PPAT: variants seen among roughly 807,000 people sequenced by gnomAD.
PPAT encodes phosphoribosyl pyrophosphate amidotransferase, also known as amidophosphoribosyltransferase.
A neutral mutation model predicts 60.2 loss-of-function variants in PPAT; 20 were observed. The observed-to-expected ratio is 0.33, with a 90% CI of 0.23 to 0.48. The LOEUF is 0.48. PPAT is among the 20% of genes least tolerant of loss of function. The pLI, the probability that PPAT is intolerant of heterozygous loss-of-function variation, is 0.99. For missense variants in PPAT, 349 were observed against 629.6 expected, an observed-to-expected ratio of 0.55 and a Z score of 4.77; for synonymous variants, 194 against 215.1, an observed-to-expected ratio of 0.90 and a Z score of 0.86.
intron 1 of PPAT, among the ~76,000 whole-genome samples, chr4:56,425,660 T>C (rs541933114): frequency 1.3e-5 from 2 of 152,220 alleles, no homozygotes; most frequent in Non-Finnish European, 2.9e-5. Flanking sequence ...GTTGTGTTAA[T>C]GAGGCTACTC....
At chr4:56,399,140 G>C (rs200599310) in intron 9 of PPAT, 39 bp downstream of exon 9, 2 of 1,529,296 alleles carry the variant, frequency 1.3e-6, no homozygotes, top group African/African-American at 2.7e-5. Context: ...GTATCTTATT[G>C]TTAACTTATG....
chr4:56,412,027 T>C (rs73819448), intron 1 of PPAT, among the ~76,000 whole-genome samples: 157 of 152,334 alleles, frequency 1.0e-3, no homozygotes, highest in African/African-American at 3.7e-3. Context: ...TTAAACACCT[T>C]CGACTCTTCA....
intron 1 of PPAT, chr4:56,414,261 G>A (rs892010819): frequency 6.6e-6 from 1 of 152,226 alleles, no homozygotes; most frequent in African/African-American, 2.4e-5. Context: ...ATACACGGAA[G>A]AAGGGAAGAA....
At chr4:56,411,604 G>A (rs1345276926) in intron 1 of PPAT, among the ~76,000 whole-genome samples, 1 of 152,172 alleles carries the variant, frequency 6.6e-6, no homozygotes, top group African/African-American at 2.4e-5. Context: ...ATCAATGACA[G>A]TAATGAGATG....
intron 1 of PPAT, among the ~76,000 whole-genome samples, chr4:56,418,338 G>C (rs1560645985): frequency 6.6e-6 from 1 of 151,590 alleles, no homozygotes; most frequent in East Asian, 1.9e-4. Context: ...ATCTTATTTT[G>C]AGACAGGGTC....
chr4:56,408,451 A>G (rs13135046), intron 1 of PPAT: 57,058 of 143,056 alleles, frequency 0.4, 11,985 homozygotes, highest in Non-Finnish European at 0.44. Flanking sequence ...AAAAAAAAAA[A>G]AAGACATCAG....
chr4:56,410,658 AATCATTAGGAGT>A, intron 1 of PPAT: 2 of 986,816 alleles, frequency 2.0e-6, no homozygotes, highest in Non-Finnish European at 2.4e-6. Context: ...AAAAGGCTGC[AATCATTAGGAGT>A]ATACAGAGAC....
chr4:56,399,500 C>A, intron 8 of PPAT, 100 bp from the exon 9 acceptor site: 4 of 941,888 alleles, frequency 4.2e-6, no homozygotes, highest in Non-Finnish European at 6.2e-6. Context: ...AGTAAAATTT[C>A]AAAATAATTT....
chr4:56,415,045 G>C (rs1716652773), intron 1 of PPAT, among the ~76,000 whole-genome samples: 1 of 152,108 alleles, frequency 6.6e-6, no homozygotes. Context: ...AACCCTAATA[G>C]AGTTTTTAAG....
chr4:56,400,578 T>C (rs182303285), intron 8 of PPAT: 35 of 473,804 alleles, frequency 7.4e-5, no homozygotes, highest in African/African-American at 6.5e-4. Flanking sequence ...TTTTTTTCTT[T>C]TCAGTGAACC....
At chr4:56,409,760 A>C (rs1272214543) in intron 1 of PPAT, among the ~76,000 whole-genome samples, 2 of 152,256 alleles carry the variant, frequency 1.3e-5, no homozygotes, top group South Asian at 2.1e-4. Flanking sequence ...GGATAGAAAC[A>C]AAAAGTAAAC....
intron 9 of PPAT, among the ~76,000 whole-genome samples, chr4:56,397,737 A>T (rs2681327): frequency 0.98 from 148,445 of 151,774 alleles, 72,700 homozygotes; most frequent in East Asian, 1. Flanking sequence ...TTAAAAAAAA[A>T]TTTTTTTCAA....
At chr4:56,419,842 G>A in intron 1 of PPAT, 1 of 984,166 alleles carries the variant, frequency 1.0e-6, no homozygotes, top group Non-Finnish European at 1.2e-6. Context: ...TGGAAACAGT[G>A]CAGAACAAAA....
At chr4:56,431,590 T>C (rs1717586037) in intron 1 of PPAT, 5 of 869,778 alleles carry the variant, frequency 5.7e-6, no homozygotes, top group East Asian at 1.2e-4. Context: ...ATGTTTGTCA[T>C]TGTAAGGTTC....
intron 1 of PPAT, among the ~76,000 whole-genome samples, 175 bp downstream of exon 1, chr4:56,435,175 C>T (rs1717831286): frequency 6.6e-6 from 1 of 152,206 alleles, no homozygotes; most frequent in Non-Finnish European, 1.5e-5. Context: ...TTCATGGAAG[C>T]GAGGTGCCCC....
chr4:56,402,820 C>CAAA lies in PPAT; in HGVS notation c.661+217_661+219dup, dbSNP rs556899549. ...GGCAACAAGAGTGAAACTCGGTCTC[C>CAAA]AAAAAAAAAAAAAAAAAAAAAAAAA... On this transcript the variant is annotated intron_variant, in intron 5 of 10. Transcript: ENST00000264220. Among the ~76,000 whole-genome samples, 235 of 43,934 alleles carry CAAA rather than the reference C, an allele frequency of 5.3e-3. 7 individuals carry two copies. Among genetic ancestry groups the CAAA allele is most frequent in the Middle Eastern group, 0.021 (1 of 48 alleles). 28.8% of individuals were successfully genotyped at this position (43,934 alleles called of 152,430 possible). A position where few individuals can be genotyped will look rare whatever the true frequency, so the allele number is the denominator to read the frequency against.
At chr4:56,411,110 A>T (rs909038269) in intron 1 of PPAT, among the ~76,000 whole-genome samples, 3 of 152,128 alleles carry the variant, frequency 2.0e-5, no homozygotes, top group Non-Finnish European at 4.4e-5. Flanking sequence ...TTACCACTTT[A>T]AAAAAATCTG....
rs1359938341 is a variant in PPAT, at chr4:56,406,685, T to C, written c.212A>G (p.Asn71Ser). 6.2e-7 allele frequency: 1 copy of C among 1,609,888 alleles called. No individual in the cohort carries two copies. The highest frequency in any genetic ancestry group is 2.2e-5 in the East Asian group (1 of 44,836). Residue 71 changes from asparagine (N) to serine (S), a missense_variant, in exon 3 of 11, where the codon AAT becomes AGT. Around this residue, in one of 5 missense-constraint regions of PPAT, gnomAD observed 115 missense variants for 174.5 expected, o/e 0.66. Transcript: ENST00000264220. The part of the protein sequence containing the change: ...FKSHKGMGLV[N>S]HVFTEDNLKK... ...CAAATTGTCTTCAGTAAAGACGTGA[T>C]TTACAAGACCCATTCCCTTGAGAAA...
chr4:56,400,746 G>A (rs773164810), intron 8 of PPAT, 38 bp downstream of exon 8: 2 of 1,573,352 alleles, frequency 1.3e-6, no homozygotes, highest in Admixed American at 3.5e-5. Context: ...TCCACAGCTG[G>A]GAGAGCAATT....
Sources: allele counts gnomAD v4.1 joint callset (sites outside exome capture counted in the v4.1 genomes callset), GRCh38; gene constraint gnomAD v4.1.1; regional missense constraint gnomAD v4.1.1; transcripts MANE v1.5; gene names NCBI Gene and HGNC (gene_info 2026-07-23, HGNC 2026-07-21).